The following PBRM1 variants were observed in gnomAD, a reference collection of about 807,000 sequenced individuals.
The protein encoded by PBRM1 is polybromo 1, also known as protein polybromo-1.
In PBRM1, 27 loss-of-function variants were observed where a neutral mutation model predicts 194.5. That is an observed-to-expected ratio of 0.14 (90% CI 0.10 to 0.19). PBRM1 has a LOEUF of 0.19. PBRM1 is among the 10% of genes least tolerant of loss of function. The probability of loss-of-function intolerance (pLI) is 1.00; values close to 1 mark genes in which losing one functional copy is unlikely to be tolerated. For missense variants in PBRM1, 1,466 were observed against 2,077.2 expected (o/e 0.71, Z 5.72); for synonymous variants, 655 against 693.2 (o/e 0.94, Z 0.87).
chr3:52,599,588 G>C (rs1335320720), intron 17 of PBRM1, among the ~76,000 whole-genome samples: 2 of 150,952 alleles, frequency 1.3e-5, no homozygotes, highest in African/African-American at 4.9e-5. Flanking sequence ...GAGGCGGGCG[G>C]ATCATGAGGT....
At chr3:52,601,261 G>A (rs755745326) in intron 17 of PBRM1, among the ~76,000 whole-genome samples, 4 of 152,160 alleles carry the variant, frequency 2.6e-5, no homozygotes, top group South Asian at 2.1e-4. Context: ...GGCTTAGGGC[G>A]GCAGCCCCCA....
chr3:52,623,995 T>G (rs538525326), intron 13 of PBRM1, among the ~76,000 whole-genome samples: 18 of 152,312 alleles, frequency 1.2e-4, no homozygotes, highest in Admixed American at 2.0e-4. Flanking sequence ...AATGATAACA[T>G]AGCAATTTTA....
chr3:52,617,112 T>C, intron 14 of PBRM1, 150 bp downstream of exon 16: 1 of 613,090 alleles, frequency 1.6e-6, no homozygotes, highest in Non-Finnish European at 2.7e-6. Flanking sequence ...CTGCCTCTGA[T>C]TGTAAACAAT....
At chr3:52,611,675 T>TACTGGCGC (rs1560354413) in intron 15 of PBRM1, among the ~76,000 whole-genome samples, 1 of 151,808 alleles carries the variant, frequency 6.6e-6, no homozygotes, top group African/African-American at 2.4e-5. Context: ...CGTGGTGGCG[T>TACTGGCGC]GTACCTGTAG....
upstream of PBRM1, among the ~76,000 whole-genome samples, chr3:52,681,465 G>A (rs1321503449): frequency 6.6e-6 from 1 of 152,108 alleles, no homozygotes; most frequent in Admixed American, 6.5e-5. Context: ...ACTTAGCCAA[G>A]TTTTGCTGAT....
At chr3:52,664,149 G>A (rs1355087150) in intron 3 of PBRM1, among the ~76,000 whole-genome samples, 1 of 151,560 alleles carries the variant, frequency 6.6e-6, no homozygotes, top group Non-Finnish European at 1.5e-5. Flanking sequence ...TTAAGCCCAG[G>A]AGTTTAAGGC....
At chr3:52,657,785 CTTTTT>C (rs893863963) in intron 5 of PBRM1, among the ~76,000 whole-genome samples, 6 of 123,908 alleles carry the variant, frequency 4.8e-5, no homozygotes, top group South Asian at 2.6e-4. Flanking sequence ...TCTTCCTTTT[CTTTTT>C]TTTTTTTTAA....
intron 13 of PBRM1, among the ~76,000 whole-genome samples, chr3:52,626,128 A>G (rs2095440160): frequency 6.6e-6 from 1 of 152,170 alleles, no homozygotes; most frequent in South Asian, 2.1e-4. Flanking sequence ...GCTGCAGTAG[A>G]GTTACATATT....
At chr3:52,555,181 C>T (rs887883609) in intron 26 of PBRM1, among the ~76,000 whole-genome samples, 1 of 152,142 alleles carries the variant, frequency 6.6e-6, no homozygotes, top group African/African-American at 2.4e-5. Context: ...TAACAGCCTT[C>T]CCAAGGAAAT....
intron 13 of PBRM1, among the ~76,000 whole-genome samples, chr3:52,625,711 A>T (rs1010739371): frequency 1.3e-5 from 2 of 151,836 alleles, no homozygotes; most frequent in Non-Finnish European, 2.9e-5. Context: ...AGTAGCTGGG[A>T]TTACAGGTGC....
intron 17 of PBRM1, among the ~76,000 whole-genome samples, chr3:52,591,430 T>C (rs2093024285): frequency 6.6e-6 from 1 of 152,158 alleles, no homozygotes; most frequent in African/African-American, 2.4e-5. Context: ...GTATGTTTCT[T>C]TAATACCTAG....
intron 3 of PBRM1, among the ~76,000 whole-genome samples, chr3:52,666,890 CA>C (rs34218707): frequency 0.63 from 76,017 of 120,738 alleles, 21,354 homozygotes; most frequent in South Asian, 0.74. Context: ...GATCGTGTCT[CA>C]AAAAAAAAAA....
intron 17 of PBRM1, among the ~76,000 whole-genome samples, chr3:52,595,897 T>C (rs2093489617): frequency 6.6e-6 from 1 of 152,210 alleles, no homozygotes; most frequent in African/African-American, 2.4e-5. Context: ...TTGAAGAGAC[T>C]GTCCTTTCCC....
At position 52,582,958 on chromosome 3, in the gene PBRM1, G is replaced by A. The variant is rs376469186; in HGVS notation, c.3387+3467C>T. Among the ~76,000 whole-genome samples, 303 of 151,384 alleles carry A rather than the reference G, an allele frequency of 2.0e-3. 7 individuals are homozygous for A. The South Asian group carries it at 0.06, about 30-fold the overall frequency. On this transcript the variant is annotated intron_variant, in intron 20 of 29. Coordinates refer to ENST00000296302, the Ensembl canonical transcript of PBRM1. ...TAAAAATACAAAAAATTAGACGGGC[G>A]TGGTGGTGAGCGCCTGTAGTCCCAG... is the stretch of plus-strand genomic sequence containing the variant.
At position 52,564,249 on chromosome 3, in the gene PBRM1, A is replaced by G; in HGVS notation, c.3692-16T>C. 1 of 1,596,862 alleles carries G rather than the reference A, an allele frequency of 6.3e-7. No homozygotes were observed. The highest frequency in any genetic ancestry group is 8.6e-7 in the Non-Finnish European group (1 of 1,165,646). On this transcript the variant is annotated splice_polypyrimidine_tract_variant and intron_variant, in intron 22 of 29. Coordinates refer to ENST00000296302, the Ensembl canonical transcript of PBRM1. Reference sequence around the variant, plus strand: ...GCACACTTTCCTGAAAGAGAAAATTAGAAAGAAATTAAAGGAGTAAACTGT... The same window carrying G: ...GCACACTTTCCTGAAAGAGAAAATTGGAAAGAAATTAAAGGAGTAAACTGT...
Position 52,554,889 on chromosome 3 carries a change from CACA to C in PBRM1, c.4454-13_4454-11del. 6.2e-7 allele frequency: 1 copy of C among 1,605,008 alleles called. No homozygotes were observed. The highest frequency in any genetic ancestry group is 8.5e-7 in the Non-Finnish European group (1 of 1,176,974). On this transcript the variant is annotated splice_polypyrimidine_tract_variant and intron_variant, in intron 26 of 29. Transcript: ENST00000296302. ...TAGCCACCCATCATGCCTTGAAGGACACAACAAATTTCAGACATGCATCATTAA... is the reference window on the plus strand; with the variant it reads ...TAGCCACCCATCATGCCTTGAAGGACACAAATTTCAGACATGCATCATTAA...
At chr3:52,599,607 C>T (rs929480224) in intron 17 of PBRM1, among the ~76,000 whole-genome samples, 7 of 149,104 alleles carry the variant, frequency 4.7e-5, no homozygotes, top group South Asian at 2.1e-4. Context: ...GTCAGGAGAT[C>T]GAGACCATCC....
chr3:52,653,667 T>G (rs1418478525), intron 5 of PBRM1, among the ~76,000 whole-genome samples: 1 of 151,354 alleles, frequency 6.6e-6, no homozygotes, highest in Admixed American at 6.6e-5. Flanking sequence ...ATCCCTGCAC[T>G]TCGGGAGGCC....
chr3:52,604,091 C>T (rs982856892), intron 16 of PBRM1, among the ~76,000 whole-genome samples: 1 of 152,198 alleles, frequency 6.6e-6, no homozygotes, highest in Non-Finnish European at 1.5e-5. Context: ...ATATGTTCAA[C>T]ACTTACTCGT....
Sources: allele counts gnomAD v4.1 joint callset (sites outside exome capture counted in the v4.1 genomes callset), GRCh38; gene constraint gnomAD v4.1.1; transcripts MANE v1.5; gene names NCBI Gene and HGNC (gene_info 2026-07-23, HGNC 2026-07-21).